MCC: variants seen among roughly 807,000 people sequenced by gnomAD.
The protein encoded by MCC is MCC regulator of Wnt signaling pathway.
Under a neutral mutation model 116.2 loss-of-function variants are expected in MCC, and 90 were observed. The ratio of observed to expected loss-of-function variants is 0.77; its 90% CI spans 0.65 to 0.92. The LOEUF (loss-of-function observed/expected upper bound fraction) is 0.92. MCC is among the 40% of genes least tolerant of loss of function. MCC has a pLI of 0.00. For synonymous variants in MCC, 578 were observed against 510.5 expected, an observed-to-expected ratio of 1.13 and a Z score of -1.78; for missense variants, 1,516 against 1,312.2, an observed-to-expected ratio of 1.16 and a Z score of -2.40.
At chr5:113,107,208 C>CTTTTTTTTTTTTTTTTTTTT (rs746820475) in intron 6 of MCC, among the ~76,000 whole-genome samples, 1 of 125,070 alleles carries the variant, frequency 8.0e-6, no homozygotes, top group Non-Finnish European at 1.6e-5. Context: ...GCATGTTTTT[C>CTTTTTTTTTTTTTTTTTTTT]TTTTTTTTTT....
At chr5:113,484,167 C>T (rs930862132) in intron 1 of MCC, among the ~76,000 whole-genome samples, 8 of 151,958 alleles carry the variant, frequency 5.3e-5, no homozygotes, top group Non-Finnish European at 1.0e-4. Flanking sequence ...AGGCTTAGTA[C>T]CCATAACTAA....
intron 4 of MCC, among the ~76,000 whole-genome samples, chr5:113,144,244 C>T (rs1378660951): frequency 6.6e-6 from 1 of 152,206 alleles, no homozygotes; most frequent in Non-Finnish European, 1.5e-5. Flanking sequence ...TCCTGAGGAA[C>T]CTGTTCACCT....
chr5:113,280,615 A>G (rs1457869013), intron 3 of MCC, among the ~76,000 whole-genome samples: 1 of 152,140 alleles, frequency 6.6e-6, no homozygotes, highest in Non-Finnish European at 1.5e-5. Flanking sequence ...TGACATGTTG[A>G]GTCTAGAAGA....
intron 4 of MCC, among the ~76,000 whole-genome samples, chr5:113,148,542 T>C (rs1328686997): frequency 2.6e-5 from 4 of 152,246 alleles, no homozygotes; most frequent in African/African-American, 9.6e-5. Flanking sequence ...TTTAGAGAGC[T>C]GGTAAAACTT....
At chr5:113,329,866 G>A (rs1326792139) in intron 3 of MCC, among the ~76,000 whole-genome samples, 1 of 152,146 alleles carries the variant, frequency 6.6e-6, no homozygotes, top group Non-Finnish European at 1.5e-5. Context: ...CTTCTACTTA[G>A]AAGAGGGGCA....
chr5:113,415,554 C>T (rs894739629), intron 1 of MCC, among the ~76,000 whole-genome samples: 3 of 152,078 alleles, frequency 2.0e-5, no homozygotes, highest in African/African-American at 7.2e-5. Context: ...TCCACTTGAT[C>T]GAATTGGCTA....
chr5:113,112,625 T>C lies in MCC; in HGVS notation c.1028-8270A>G, dbSNP rs181156231. ...AGTGTGAAAACGGACTAATACAGCCTTGAAATCTCATTTTCCAGGAAGCCT... is the reference window on the plus strand; with the variant it reads ...AGTGTGAAAACGGACTAATACAGCCCTGAAATCTCATTTTCCAGGAAGCCT... On this transcript the variant is annotated intron_variant, in intron 6 of 18. Transcript: ENST00000408903. Among the ~76,000 whole-genome samples, 35 of 152,308 alleles carry C rather than the reference T, an allele frequency of 2.3e-4. 1 individual carries two copies. In the South Asian group the frequency reaches 7.1e-3, roughly 31 times the overall value.
chr5:113,030,498 G>A (rs573581478), intron 17 of MCC, among the ~76,000 whole-genome samples: 57 of 152,238 alleles, frequency 3.7e-4, no homozygotes, highest in African/African-American at 1.2e-3. Context: ...GGGCAACATG[G>A]TGAAACCCCA....
intron 1 of MCC, among the ~76,000 whole-genome samples, chr5:113,407,971 T>C (rs1055393275): frequency 1.3e-5 from 2 of 152,168 alleles, no homozygotes; most frequent in African/African-American, 4.8e-5. Context: ...AAACTAGGAC[T>C]AGAATTTAGG....
Position 113,143,254 on chromosome 5 carries a change from T to C in MCC, c.848A>G (p.Asn283Ser), listed in dbSNP as rs757355816. 5 of 1,611,672 alleles carry C rather than the reference T, an allele frequency of 3.1e-6. No homozygotes were observed. The East Asian group carries it at 1.1e-4, about 36-fold the overall frequency. The change falls in exon 5 of 19, where the codon AAC (asparagine) becomes AGC (serine). Residue 283 changes from asparagine to serine, a missense_variant. Physicochemically the swap from Asn to Ser is conservative, Grantham distance 46. Coordinates refer to ENST00000408903, the MANE Select transcript of MCC (RefSeq NM_001085377.2). ...GCCTTGCAGACGGTCTATCTTCTTG[T>C]TGAGCTCCGCAATGACGCTGTGGAG... The part of the protein sequence containing the change: ...TELHSVIAEL[N>S]KKIDRLQGTT...
chr5:113,248,607 G>A (rs1764661412), intron 3 of MCC, among the ~76,000 whole-genome samples: 1 of 152,092 alleles, frequency 6.6e-6, no homozygotes, highest in African/African-American at 2.4e-5. Context: ...TTTCCCTAGT[G>A]TTGAAACCCC....
chr5:113,289,675 T>C (rs553260994), intron 3 of MCC, among the ~76,000 whole-genome samples: 80 of 152,320 alleles, frequency 5.3e-4, no homozygotes, highest in Non-Finnish European at 8.8e-4. Context: ...GATCTCCCAA[T>C]TCACAGGCAA....
chr5:113,040,753 GTTTGTTCT>G (rs1751651724), intron 17 of MCC, among the ~76,000 whole-genome samples: 2 of 152,060 alleles, frequency 1.3e-5, no homozygotes, highest in Non-Finnish European at 2.9e-5. Context: ...ACCTCTGTAA[GTTTGTTCT>G]TGGCTCCATC....
intron 2 of MCC, among the ~76,000 whole-genome samples, chr5:113,344,743 T>C (rs1255107117): frequency 6.6e-6 from 1 of 151,944 alleles, no homozygotes; most frequent in African/African-American, 2.4e-5. Flanking sequence ...ATTCATCACC[T>C]GCTGACTAAA....
chr5:113,079,424 TA>T (rs1172280551), intron 11 of MCC, among the ~76,000 whole-genome samples: 3 of 152,188 alleles, frequency 2.0e-5, no homozygotes, highest in African/African-American at 7.2e-5. Flanking sequence ...AAGGCCACAG[TA>T]ACCAAAACAG....
intron 1 of MCC, among the ~76,000 whole-genome samples, chr5:113,390,575 T>C (rs1398101019): frequency 6.6e-6 from 1 of 152,226 alleles, no homozygotes; most frequent in Non-Finnish European, 1.5e-5. Flanking sequence ...TTCCTTTAAC[T>C]TATAAAGAAA....
chr5:113,403,097 A>T (rs559778882), intron 1 of MCC, among the ~76,000 whole-genome samples: 4 of 152,090 alleles, frequency 2.6e-5, no homozygotes, highest in Non-Finnish European at 4.4e-5. Flanking sequence ...GCAAGAAAAG[A>T]CTAGTCTGTG....
chr5:113,367,665 A>C (rs975088273), intron 2 of MCC, among the ~76,000 whole-genome samples: 3 of 149,438 alleles, frequency 2.0e-5, no homozygotes, highest in African/African-American at 4.9e-5. Context: ...AGAGAGAGAG[A>C]GAGCGAGAGA....
intron 17 of MCC, among the ~76,000 whole-genome samples, chr5:113,029,395 C>T (rs553280971): frequency 6.7e-6 from 1 of 150,368 alleles, no homozygotes; most frequent in Non-Finnish European, 1.5e-5. Flanking sequence ...TGCGGCCTGA[C>T]CACAAACCCC....
Sources: gnomAD v4.1 joint callset for allele counts (sites outside exome capture counted in the v4.1 genomes callset) on GRCh38, gnomAD v4.1.1 for gene constraint, MANE v1.5 for transcripts, NCBI Gene and HGNC (gene_info 2026-07-23, HGNC 2026-07-21) for gene names.